Variants in LHFPL2 observed in about 807,000 individuals in gnomAD.
The protein encoded by LHFPL2 is LHFPL tetraspan subfamily member 2 protein.
A neutral mutation model predicts 17.5 loss-of-function variants in LHFPL2; 7 were observed. The observed-to-expected ratio is 0.40, with a 90% CI of 0.23 to 0.75. The LOEUF is 0.75. Among genes scored for constraint, LHFPL2 ranks in the 30% least tolerant of loss-of-function variants. LHFPL2 has a pLI of 0.37. For synonymous variants in LHFPL2, 134 were observed against 116.2 expected (o/e 1.15, Z -0.99); for missense variants, 241 against 294.8 (o/e 0.82, Z 1.34).
chr5:78,521,172 ATATCCC>A (rs1436748220), intron 3 of LHFPL2, among the ~76,000 whole-genome samples: 1 of 152,232 alleles, frequency 6.6e-6, no homozygotes, highest in Non-Finnish European at 1.5e-5. Flanking sequence ...GTCAGAAGTC[ATATCCC>A]TTTCATTTCA....
chr5:78,597,628 CTTT>C (rs1561358247), intron 2 of LHFPL2, among the ~76,000 whole-genome samples: 1 of 151,292 alleles, frequency 6.6e-6, no homozygotes, highest in Non-Finnish European at 1.5e-5. Flanking sequence ...ATTCTTCCTT[CTTT>C]GTTTTTCTTT....
At chr5:78,579,406 T>C (rs1281300954) in intron 2 of LHFPL2, among the ~76,000 whole-genome samples, 1 of 152,244 alleles carries the variant, frequency 6.6e-6, no homozygotes, top group East Asian at 1.9e-4. Context: ...GTTAGTTACA[T>C]ATGTATACAT....
chr5:78,508,296 G>T (rs1464542554), intron 4 of LHFPL2, among the ~76,000 whole-genome samples: 1 of 152,124 alleles, frequency 6.6e-6, no homozygotes. Flanking sequence ...CAGAATCCTG[G>T]TCTCCCAAAT....
At chr5:78,549,630 C>T (rs1756381691) in intron 3 of LHFPL2, among the ~76,000 whole-genome samples, 1 of 152,136 alleles carries the variant, frequency 6.6e-6, no homozygotes, top group African/African-American at 2.4e-5. Flanking sequence ...AAATTCTGCT[C>T]GATTTTCTTT....
intron 1 of LHFPL2, among the ~76,000 whole-genome samples, chr5:78,642,775 G>A (rs1037904383): frequency 1.3e-5 from 2 of 151,992 alleles, no homozygotes; most frequent in Admixed American, 6.6e-5. Context: ...ATTACTCCTT[G>A]CCATCTCTCT....
At position 78,510,149 on chromosome 5, in the gene LHFPL2, A is replaced by G; in HGVS notation, c.65T>C (p.Phe22Ser). 1 of 1,612,852 alleles carries G rather than the reference A, an allele frequency of 6.2e-7. No homozygotes were observed. Among genetic ancestry groups the G allele is most frequent in the South Asian group, 1.1e-5 (1 of 91,054 alleles). Residue 22 changes from phenylalanine to serine, a missense_variant, in exon 4 of 5, where the codon TTT becomes TCT. Phe to Ser is a radical substitution (Grantham distance 155, BLOSUM62 -2). Coordinates refer to ENST00000380345, the MANE Select transcript of LHFPL2 (RefSeq NM_005779.3). ...ACTCATGAAGGCAATGAGCTCGGCA[A>G]AAGCCACCACAATACTCAGCAAGGT... ...LWTLLSIVVA[F>S]AELIAFMSAD...
chr5:78,631,026 G>A (rs114434353), intron 2 of LHFPL2, among the ~76,000 whole-genome samples: 2,035 of 152,232 alleles, frequency 0.013, 43 homozygotes, highest in African/African-American at 0.044. Context: ...AAGCCAATCC[G>A]GGTACCTCTC....
chr5:78,498,709 C>A (rs1477203878), intron 4 of LHFPL2, among the ~76,000 whole-genome samples: 1 of 152,188 alleles, frequency 6.6e-6, no homozygotes, highest in African/African-American at 2.4e-5. Context: ...CTCTGCAGTA[C>A]TGATCCTTAC....
At chr5:78,611,846 T>C (rs1366483425) in intron 2 of LHFPL2, among the ~76,000 whole-genome samples, 1 of 152,166 alleles carries the variant, frequency 6.6e-6, no homozygotes, top group Non-Finnish European at 1.5e-5. Context: ...AAACTCAGAA[T>C]ATACGGAGGC....
intron 4 of LHFPL2, among the ~76,000 whole-genome samples, chr5:78,492,617 G>A (rs1219573093): frequency 1.3e-5 from 2 of 152,190 alleles, no homozygotes; most frequent in African/African-American, 4.8e-5. Context: ...AGGGGCTTCA[G>A]GCCATCTTCA....
intron 2 of LHFPL2, among the ~76,000 whole-genome samples, chr5:78,610,234 G>A (rs1243387271): frequency 6.6e-6 from 1 of 152,156 alleles, no homozygotes; most frequent in Non-Finnish European, 1.5e-5. Flanking sequence ...TCCCACCAAG[G>A]GCAGGCAGGA....
chr5:78,634,026 A>T (rs551420695), intron 1 of LHFPL2, among the ~76,000 whole-genome samples: 1 of 152,324 alleles, frequency 6.6e-6, no homozygotes, highest in Non-Finnish European at 1.5e-5. Context: ...GGAGCCATAA[A>T]GTAATTCAGG....
chr5:78,512,716 T>C (rs999622696), intron 3 of LHFPL2, among the ~76,000 whole-genome samples: 5 of 151,784 alleles, frequency 3.3e-5, no homozygotes, highest in African/African-American at 1.2e-4. Context: ...TTTACTGTTA[T>C]GCACAATCTC....
rs1754324691 is a variant in LHFPL2 at position 78,488,484 on chromosome 5, C to T, written c.*413G>A. ...GAACAGAGGAAAACAAGAACTCCAA[C>T]CCAAAACCCCATTCTGAGGCAGAGA... On this transcript the variant is annotated 3_prime_UTR_variant, in exon 5 of 5. Coordinates refer to ENST00000380345, the MANE Select transcript of LHFPL2 (RefSeq NM_005779.3). The T allele has an allele frequency of 4.6e-6, 1 of 218,870 alleles. No homozygotes were observed. Among genetic ancestry groups the T allele is most frequent in the Admixed American group, 5.2e-5 (1 of 19,318 alleles). The allele number at this position is 218,870 out of a possible 1,614,324, so 13.6% of individuals were successfully genotyped here. A position where few individuals can be genotyped will look rare whatever the true frequency, so the allele number is the denominator to read the frequency against.
chr5:78,640,192 C>CA (rs570562052), intron 1 of LHFPL2, among the ~76,000 whole-genome samples: 2,535 of 148,632 alleles, frequency 0.017, 24 homozygotes, highest in Middle Eastern at 0.024. Context: ...AATTAAAAAA[C>CA]AAAAAAAAAA....
At chr5:78,534,903 G>A (rs547705296) in intron 3 of LHFPL2, among the ~76,000 whole-genome samples, 1 of 152,172 alleles carries the variant, frequency 6.6e-6, no homozygotes, top group African/African-American at 2.4e-5. Flanking sequence ...AAAGTCACAC[G>A]GCCGCCTCAA....
intron 1 of LHFPL2, among the ~76,000 whole-genome samples, chr5:78,634,393 C>T (rs1745358222): frequency 6.6e-6 from 1 of 152,200 alleles, no homozygotes; most frequent in Non-Finnish European, 1.5e-5. Context: ...CTCAGTGCAC[C>T]TCAAGTAGTG....
chr5:78,502,828 G>A (rs149391487), intron 4 of LHFPL2, among the ~76,000 whole-genome samples: 3 of 152,192 alleles, frequency 2.0e-5, no homozygotes, highest in East Asian at 1.9e-4. Flanking sequence ...TCAACACTAC[G>A]TCCCTGAACG....
chr5:78,604,918 C>T (rs957636688), intron 2 of LHFPL2, among the ~76,000 whole-genome samples: 7 of 152,176 alleles, frequency 4.6e-5, no homozygotes, highest in African/African-American at 1.4e-4. Flanking sequence ...GGATTAAAGA[C>T]GTGGTGAATT....
Sources: gnomAD v4.1 joint callset for allele counts (sites outside exome capture counted in the v4.1 genomes callset) on GRCh38, gnomAD v4.1.1 for gene constraint, MANE v1.5 for transcripts, NCBI Gene and HGNC (gene_info 2026-07-23, HGNC 2026-07-21) for gene names.